PTPRD: variants seen among roughly 807,000 people sequenced by gnomAD.
PTPRD encodes the protein protein tyrosine phosphatase receptor type D.
In PTPRD, 34 loss-of-function variants were observed where a neutral mutation model predicts 214.5. That is an observed-to-expected ratio of 0.16 (90% CI 0.12 to 0.21). The LOEUF (loss-of-function observed/expected upper bound fraction) is 0.21. Ranked by LOEUF, PTPRD falls within the 10% of genes least tolerant of loss-of-function variation. PTPRD has a pLI of 1.00. For synonymous variants in PTPRD, 1,128 were observed against 845.7 expected (o/e 1.33, Z -5.79); for missense variants, 2,545 against 2,398.7 (o/e 1.06, Z -1.27).
intron 8 of PTPRD, among the ~76,000 whole-genome samples, chr9:9,498,675 A>G (rs143632492): frequency 6.6e-6 from 1 of 152,218 alleles, no homozygotes; most frequent in East Asian, 1.9e-4. Context: ...AAATTTAAAT[A>G]CCTCATTAGA....
chr9:10,492,439 T>C (rs1209543074), intron 2 of PTPRD, among the ~76,000 whole-genome samples: 1 of 152,212 alleles, frequency 6.6e-6, no homozygotes, highest in African/African-American at 2.4e-5. Flanking sequence ...ATTGTGGTTT[T>C]GATTTGCATC....
chr9:8,449,862 A>C (rs767105046), intron 33 of PTPRD, 25 bp from the exon 34 acceptor site: 3 of 1,604,998 alleles, frequency 1.9e-6, no homozygotes, highest in Non-Finnish European at 2.6e-6. Flanking sequence ...TAGAAATTTA[A>C]GAAGAAAAGA....
intron 10 of PTPRD, among the ~76,000 whole-genome samples, chr9:9,119,946 TA>T (rs1351027752): frequency 6.6e-6 from 1 of 152,070 alleles, no homozygotes; most frequent in South Asian, 2.1e-4. Flanking sequence ...TTATATACAT[TA>T]AAAAAATTCT....
intron 2 of PTPRD, among the ~76,000 whole-genome samples, chr9:10,461,502 T>G (rs923488129): frequency 3.9e-5 from 6 of 152,064 alleles, no homozygotes; most frequent in African/African-American, 1.4e-4. Flanking sequence ...TTATTCAGCC[T>G]TTTGCAAAGG....
intron 6 of PTPRD, among the ~76,000 whole-genome samples, chr9:9,748,120 G>A (rs1380584229): frequency 6.6e-6 from 1 of 152,158 alleles, no homozygotes; most frequent in African/African-American, 2.4e-5. Flanking sequence ...TCATTCATCA[G>A]TGAATCACTG....
chr9:9,542,703 G>C (rs1390658481), intron 8 of PTPRD, among the ~76,000 whole-genome samples: 1 of 151,610 alleles, frequency 6.6e-6, no homozygotes, highest in East Asian at 1.9e-4. Context: ...CCAATCAAGT[G>C]AAAACGGTAC....
chr9:8,512,330 C>A (rs756625899), intron 21 of PTPRD, among the ~76,000 whole-genome samples: 1 of 152,004 alleles, frequency 6.6e-6, no homozygotes, highest in African/African-American at 2.4e-5. Flanking sequence ...TTATTCTCAA[C>A]AGTCATTAAA....
chr9:10,091,935 G>C (rs1013472833), intron 3 of PTPRD, among the ~76,000 whole-genome samples: 1 of 151,284 alleles, frequency 6.6e-6, no homozygotes, highest in Non-Finnish European at 1.5e-5. Flanking sequence ...GATGACCTCG[G>C]CTTCAGAGTA....
intron 36 of PTPRD, among the ~76,000 whole-genome samples, chr9:8,394,080 A>G (rs186555785): frequency 1.3e-5 from 2 of 151,882 alleles, no homozygotes; most frequent in Admixed American, 1.3e-4. Context: ...CTCTCATTTT[A>G]TTTGCTGTTG....
chr9:8,802,231 T>G (rs1011565623), intron 11 of PTPRD, among the ~76,000 whole-genome samples: 1 of 152,180 alleles, frequency 6.6e-6, no homozygotes, highest in Non-Finnish European at 1.5e-5. Flanking sequence ...CACCCTGTTA[T>G]AGATGCATCC....
intron 5 of PTPRD, among the ~76,000 whole-genome samples, chr9:9,921,147 G>A (rs1004727143): frequency 3.3e-5 from 5 of 152,030 alleles, no homozygotes; most frequent in Admixed American, 2.0e-4. Flanking sequence ...TATTGGAGTT[G>A]CAAAGCACTT....
intron 8 of PTPRD, among the ~76,000 whole-genome samples, chr9:9,459,133 G>A (rs1334879126): frequency 6.6e-6 from 1 of 151,962 alleles, no homozygotes; most frequent in Non-Finnish European, 1.5e-5. Flanking sequence ...CCCATGGAAT[G>A]GCCCCACAGG....
chr9:9,731,253 T>C (rs2154441997), intron 7 of PTPRD, among the ~76,000 whole-genome samples: 1 of 152,286 alleles, frequency 6.6e-6, no homozygotes, highest in Admixed American at 6.5e-5. Context: ...GGAATCTAAG[T>C]TTGCATATTA....
chr9:9,139,616 G>C (rs1231364460), intron 10 of PTPRD, among the ~76,000 whole-genome samples: 1 of 133,504 alleles, frequency 7.5e-6, no homozygotes, highest in Non-Finnish European at 1.7e-5. Context: ...CGGACAAAGG[G>C]TGGATTCATG....
chr9:9,706,192 C>T lies in PTPRD; in HGVS notation c.-287+28341G>A, dbSNP rs576906085. On this transcript the variant is annotated intron_variant, in intron 7 of 45. Coordinates refer to ENST00000381196, the MANE Select transcript of PTPRD (RefSeq NM_002839.4). Reference sequence around the variant, plus strand: ...TTACTCCCTAATCTAGGGAAATATACAGTTGTTACAAAAGAAAACCCCAAT... The same window carrying T: ...TTACTCCCTAATCTAGGGAAATATATAGTTGTTACAAAAGAAAACCCCAAT... 3.3e-5 allele frequency among the ~76,000 whole-genome samples: 5 copies of T among 152,168 alleles called. No individual in the cohort carries two copies. The South Asian group carries it at 1.0e-3, about 32-fold the overall frequency.
At chr9:8,946,013 G>C (rs926373872) in intron 11 of PTPRD, among the ~76,000 whole-genome samples, 9 of 152,102 alleles carry the variant, frequency 5.9e-5, no homozygotes, top group African/African-American at 2.2e-4. Context: ...CCTAAGCCAT[G>C]TTACTCTTGT....
intron 3 of PTPRD, among the ~76,000 whole-genome samples, chr9:10,338,805 T>A (rs2096888843): frequency 6.6e-6 from 1 of 151,726 alleles, no homozygotes; most frequent in South Asian, 2.1e-4. Context: ...AATACATATT[T>A]TTCTCTAAGA....
At chr9:9,075,134 G>A (rs994805535) in intron 10 of PTPRD, among the ~76,000 whole-genome samples, 1 of 151,936 alleles carries the variant, frequency 6.6e-6, no homozygotes, top group East Asian at 1.9e-4. Context: ...TTGATAATCT[G>A]TGTTTAAAAA....
intron 3 of PTPRD, among the ~76,000 whole-genome samples, chr9:10,146,446 G>A (rs1244627137): frequency 6.6e-6 from 1 of 152,016 alleles, no homozygotes; most frequent in Non-Finnish European, 1.5e-5. Context: ...AATTTCAGAT[G>A]ATGATATTTA....
Sources: allele counts gnomAD v4.1 joint callset (sites outside exome capture counted in the v4.1 genomes callset), GRCh38; gene constraint gnomAD v4.1.1; transcripts MANE v1.5; gene names NCBI Gene and HGNC (gene_info 2026-07-23, HGNC 2026-07-21).